The following SGCD variants were observed in gnomAD, a reference collection of about 807,000 sequenced individuals.
SGCD encodes the protein sarcoglycan delta, also known as delta-sarcoglycan.
In SGCD, 18 loss-of-function variants were observed where a neutral mutation model predicts 36.6. That is an observed-to-expected ratio of 0.49 (90% CI 0.34 to 0.73). The LOEUF (loss-of-function observed/expected upper bound fraction) is 0.73. SGCD is among the 30% of genes least tolerant of loss of function. The pLI, the probability that SGCD is intolerant of heterozygous loss-of-function variation, is 0.01. For synonymous variants in SGCD, 133 were observed against 130.6 expected (o/e 1.02, Z -0.12); for missense variants, 387 against 346.7 (o/e 1.12, Z -0.92).
At chr5:156,720,488 G>A (rs1755443739) in intron 7 of SGCD, among the ~76,000 whole-genome samples, 1 of 152,186 alleles carries the variant, frequency 6.6e-6, no homozygotes, top group Non-Finnish European at 1.5e-5. Context: ...AGTAACTGAT[G>A]TATCTAGAAC....
chr5:156,229,297 T>TATACACATATATATATATATATATATAA, intron 3 of SGCD, among the ~76,000 whole-genome samples: 1 of 119,864 alleles, frequency 8.3e-6, no homozygotes, highest in African/African-American at 3.2e-5. Flanking sequence ...TATATATATA[T>TATACACATATATATATATATATATATAA]ATAAAATTAG....
intron 3 of SGCD, among the ~76,000 whole-genome samples, chr5:156,499,323 C>T (rs769750091): frequency 1.4e-4 from 22 of 152,034 alleles, no homozygotes; most frequent in South Asian, 1.0e-3. Context: ...AATCTCTAGC[C>T]GATTTCTTTT....
At chr5:156,366,943 A>G (rs1770139688) in intron 3 of SGCD, among the ~76,000 whole-genome samples, 1 of 152,208 alleles carries the variant, frequency 6.6e-6, no homozygotes, top group Non-Finnish European at 1.5e-5. Flanking sequence ...TAAATGGTTT[A>G]TCTTCTATAA....
At chr5:156,302,409 AT>A (rs1388720121) in intron 3 of SGCD, among the ~76,000 whole-genome samples, 1 of 151,818 alleles carries the variant, frequency 6.6e-6, no homozygotes, top group Non-Finnish European at 1.5e-5. Context: ...GGGACTCTGA[AT>A]TTCTTCTGTG....
At chr5:156,202,427 G>A (rs1764173183) in intron 3 of SGCD, among the ~76,000 whole-genome samples, 1 of 152,120 alleles carries the variant, frequency 6.6e-6, no homozygotes, top group African/African-American at 2.4e-5. Flanking sequence ...ACTACGGCCT[G>A]TGAGATTATT....
chr5:156,094,026 G>T (rs1363695114), intron 1 of SGCD, among the ~76,000 whole-genome samples: 5 of 152,194 alleles, frequency 3.3e-5, no homozygotes, highest in Non-Finnish European at 2.9e-5. Context: ...TGCAAATCAG[G>T]TGCCCTACTG....
chr5:156,746,668 A>T (rs1466479858), intron 7 of SGCD, among the ~76,000 whole-genome samples: 5 of 152,236 alleles, frequency 3.3e-5, no homozygotes, highest in Non-Finnish European at 7.4e-5. Flanking sequence ...GAACAACTGG[A>T]TAAACCTATT....
chr5:156,708,436 G>A lies in SGCD; in HGVS notation c.576-49145G>A, dbSNP rs897021363. Among the ~76,000 whole-genome samples, 9 of 152,146 alleles carry A rather than the reference G, an allele frequency of 5.9e-5. No individual in the cohort carries two copies. In the South Asian group the frequency reaches 6.2e-4, roughly 11 times the overall value. ...CAAGGTGAAAGACAGCATGGTATAA[G>A]TTAAATTGTCCTCCCTTTGACTTAT... On this transcript the variant is annotated intron_variant, in intron 7 of 8. Coordinates refer to ENST00000337851, the MANE Select transcript of SGCD (RefSeq NM_000337.6).
intron 3 of SGCD, among the ~76,000 whole-genome samples, chr5:156,214,915 C>T (rs957775841): frequency 1.2e-4 from 18 of 152,114 alleles, no homozygotes; most frequent in African/African-American, 4.1e-4. Context: ...TGGAATTAGA[C>T]CCTCATCTTA....
the SGCD span, among the ~76,000 whole-genome samples, chr5:155,829,426 C>G: frequency 6.6e-6 from 1 of 152,130 alleles, no homozygotes; most frequent in Non-Finnish European, 1.5e-5. Flanking sequence ...ATAGCTGATT[C>G]CTGTAAGATG....
the SGCD span, among the ~76,000 whole-genome samples, chr5:155,763,862 C>CCT: frequency 0.21 from 31,137 of 148,202 alleles, 3,981 homozygotes; most frequent in African/African-American, 0.36. Flanking sequence ...CAATTATATA[C>CCT]CTCTCTCTCT....
At chr5:155,741,397 G>A in the SGCD span, among the ~76,000 whole-genome samples, 7 of 152,218 alleles carry the variant, frequency 4.6e-5, no homozygotes, top group Non-Finnish European at 7.4e-5. Context: ...AGAGTTTTGC[G>A]GGGCCATTTC....
intron 1 of SGCD, among the ~76,000 whole-genome samples, chr5:156,023,845 C>G (rs1027248088): frequency 3.9e-5 from 6 of 152,236 alleles, no homozygotes; most frequent in African/African-American, 1.4e-4. Flanking sequence ...CTTATTTGGT[C>G]TCAACTTCTA....
At chr5:156,746,638 C>G (rs1756949179) in intron 7 of SGCD, among the ~76,000 whole-genome samples, 2 of 152,160 alleles carry the variant, frequency 1.3e-5, no homozygotes, top group African/African-American at 2.4e-5. Flanking sequence ...AAAGGATTAT[C>G]TTTTCAACTA....
chr5:156,504,223 T>A (rs1166800737), intron 3 of SGCD, among the ~76,000 whole-genome samples: 1 of 149,460 alleles, frequency 6.7e-6, no homozygotes. Flanking sequence ...AAAAAAAAAA[T>A]TATAAAGTAC....
At chr5:156,746,166 G>C (rs773035504) in intron 7 of SGCD, among the ~76,000 whole-genome samples, 16 of 151,938 alleles carry the variant, frequency 1.1e-4, no homozygotes, top group Non-Finnish European at 1.8e-4. Flanking sequence ...TTCTGGGATT[G>C]AGATTAGACT....
At chr5:156,168,663 A>G (rs1763269693) in intron 3 of SGCD, among the ~76,000 whole-genome samples, 1 of 152,246 alleles carries the variant, frequency 6.6e-6, no homozygotes, top group African/African-American at 2.4e-5. Context: ...AACGTATTCA[A>G]TTGTATTTGT....
chr5:156,340,912 A>T (rs6894835), intron 2 of SGCD, among the ~76,000 whole-genome samples: 65,016 of 151,894 alleles, frequency 0.43, 14,266 homozygotes, highest in East Asian at 0.79. Flanking sequence ...TCCATGCAGG[A>T]TTCTTTATAA....
At chr5:156,072,646 T>A (rs1262973356) in intron 1 of SGCD, among the ~76,000 whole-genome samples, 2 of 152,160 alleles carry the variant, frequency 1.3e-5, no homozygotes, top group African/African-American at 4.8e-5. Flanking sequence ...TTTGTGGTGT[T>A]CTCTGTATTT....
Sources: allele counts gnomAD v4.1 joint callset (sites outside exome capture counted in the v4.1 genomes callset), GRCh38; gene constraint gnomAD v4.1.1; transcripts MANE v1.5; gene names NCBI Gene and HGNC (gene_info 2026-07-23, HGNC 2026-07-21).